EMILIN1: variants seen among roughly 807,000 people sequenced by gnomAD.
EMILIN1 encodes the protein EMILIN-1.
EMILIN1 carries 49 observed loss-of-function variants against 82.4 expected under a neutral mutation model. That is an observed-to-expected ratio of 0.59 (90% confidence interval 0.47 to 0.75). The LOEUF (loss-of-function observed/expected upper bound fraction) is 0.75, where lower values mean the gene tolerates loss of function less well. Among genes scored for constraint, EMILIN1 ranks in the 30% least tolerant of loss-of-function variants. EMILIN1 has a pLI of 0.00. For missense variants in EMILIN1, 1,313 were observed against 1,366.4 expected (o/e 0.96, Z 0.62); for synonymous variants, 604 against 602.2 (o/e 1.00, Z -0.04).
In EMILIN1 at chr2:27,083,510, C is replaced by A; in HGVS notation, c.1939C>A (p.Leu647Ile). 6.2e-7 allele frequency: 1 copy of A among 1,613,930 alleles called. No individual in the cohort carries two copies. The highest frequency in any genetic ancestry group is 8.5e-7 in the Non-Finnish European group (1 of 1,179,946). The change falls in exon 4 of 8, where the codon CTC (leucine) becomes ATC (isoleucine). Residue 647 changes from leucine (L) to isoleucine (I), a missense_variant. Transcript: ENST00000380320. ...GSALQALQGE[L>I]SEVILSFSSL... is the part of the protein sequence containing the mutation. ...AGCCCTGCAGGCCCTGCAAGGAGAG[C>A]TCTCTGAGGTTATTCTCAGCTTCAG...
rs1341440346 is a variant in EMILIN1 at position 27,082,151 on chromosome 2, G to A, written c.580G>A (p.Gly194Ser). 1 of 1,613,804 alleles carries A rather than the reference G, an allele frequency of 6.2e-7. No homozygotes were observed. The highest frequency in any genetic ancestry group is 8.5e-7 in the Non-Finnish European group (1 of 1,180,024). ...QVQSLTKELQGLRGVLQGLSG... is the reference protein window; with the variant it reads ...QVQSLTKELQSLRGVLQGLSG... ...GCAGAGCCTGACCAAGGAGCTGCAA[G>A]GCCTGCGGGGCGTCCTGCAAGGACT... Residue 194 changes from glycine to serine, a missense_variant, in exon 4 of 8, where the codon GGC (glycine) becomes AGC (serine). Gly to Ser is a moderately conservative substitution (Grantham distance 56). Transcript: ENST00000380320.
intron 1 of EMILIN1, among the ~76,000 whole-genome samples, 154 bp downstream of exon 1, chr2:27,079,389 G>T (rs369953673): frequency 1.3e-5 from 2 of 152,126 alleles, no homozygotes; most frequent in African/African-American, 4.8e-5. Context: ...ACCTTCCCAC[G>T]GGGCCTTTTC....
Position 27,083,627 on chromosome 2 carries a change from A to G in EMILIN1, c.2056A>G (p.Ile686Val). ...CCTGGGGGCAACCAAGGACCGTATC[A>G]TTTCTGAGATTAACAGGCTGCAGCA... ...ADLGATKDRI[I>V]SEINRLQQEA... Residue 686 changes from isoleucine (I) to valine (V), a missense_variant, in exon 4 of 8, where the codon ATT (isoleucine) becomes GTT (valine). Ile to Val is a conservative substitution (Grantham distance 29). Coordinates refer to ENST00000380320, the MANE Select transcript of EMILIN1 (RefSeq NM_007046.4). 1.2e-6 allele frequency: 2 copies of G among 1,612,598 alleles called. No homozygotes were observed. The highest frequency in any genetic ancestry group is 1.3e-5 in the African/African-American group (1 of 75,050).
chr2:27,080,751 C>T lies in EMILIN1; in HGVS notation c.310C>T (p.Pro104Ser), dbSNP rs993827068. Residue 104 changes from proline to serine, a missense_variant, in exon 3 of 8, where the codon CCT (proline) becomes TCT (serine). Transcript: ENST00000380320. ...TGCCAGGTACCGCCGCTTCCTCCGC[C>T]CTCGCTACCGTGTGGCCTACAAGAC... is the stretch of plus-strand genomic sequence containing the variant. The part of the protein sequence containing the change: ...QSIMYRRFLR[P>S]RYRVAYKTVT... 1 of 1,613,332 alleles carries T rather than the reference C, an allele frequency of 6.2e-7. No homozygotes were observed. The highest frequency in any genetic ancestry group is 1.3e-5 in the African/African-American group (1 of 74,940).
In EMILIN1 at chr2:27,079,085, G is replaced by A; in HGVS notation, c.20G>A (p.Trp7Ter). 6.2e-7 allele frequency: 1 copy of A among 1,603,770 alleles called. No individual in the cohort carries two copies. Among genetic ancestry groups the A allele is most frequent in the Non-Finnish European group, 8.5e-7 (1 of 1,175,954 alleles). Reference protein sequence around the residue: MAPRTLWSCYLCCLLTA... With the variant: MAPRTL ...CCCGCCATGGCCCCCCGCACCCTCT[G>A]GAGCTGCTACCTCTGCTGCCTGCTG... The change falls in exon 1 of 8, where the codon TGG (tryptophan) becomes TAG (stop). Residue 7 changes from tryptophan to a stop codon, truncating the protein, a stop_gained. Coordinates refer to ENST00000380320, the MANE Select transcript of EMILIN1 (RefSeq NM_007046.4). LOFTEE classifies it high-confidence loss of function.
intron 4 of EMILIN1, 64 bp downstream of exon 4, chr2:27,084,075 A>G (rs751390349): frequency 4.2e-6 from 6 of 1,413,286 alleles, no homozygotes; most frequent in Non-Finnish European, 5.6e-6. Flanking sequence ...TCCCTCCCCC[A>G]GCCCAGCTTC....
At position 27,085,837 on chromosome 2, in the gene EMILIN1, T is replaced by C. The variant is rs1669613567; in HGVS notation, c.2873T>C (p.Val958Ala). The C allele has an allele frequency of 2.5e-6, 4 of 1,610,814 alleles. No homozygotes were observed. Among genetic ancestry groups the C allele is most frequent in the Non-Finnish European group, 3.4e-6 (4 of 1,178,918 alleles). Reference protein sequence around the residue: ...YEPEGLENKPVAESQPSPGTL... With the variant: ...YEPEGLENKPAAESQPSPGTL... ...CCTGAGGGCCTGGAGAATAAGCCGG[T>C]GGCCGAGAGCCAGCCCAGCCCGGGC... Residue 958 changes from valine (V) to alanine (A), a missense_variant, in exon 8 of 8, where the codon GTG becomes GCG. Transcript: ENST00000380320.
chr2:27,083,147 G>A lies in EMILIN1; in HGVS notation c.1576G>A (p.Glu526Lys). The change falls in exon 4 of 8, where the codon GAG (glutamate) becomes AAG (lysine). Residue 526 changes from glutamate (E) to lysine (K), a missense_variant. Physicochemically the swap from Glu to Lys is moderately conservative, Grantham distance 56 (BLOSUM62 1). Coordinates refer to ENST00000380320, the MANE Select transcript of EMILIN1 (RefSeq NM_007046.4). ...SGLHTVEAAG[E>K]ARQATLEGLQ... ...CCTGCACACGGTGGAAGCAGCGGGGGAGGCCCGGCAGGCCACGCTGGAGGG... is the reference window on the plus strand; with the variant it reads ...CCTGCACACGGTGGAAGCAGCGGGGAAGGCCCGGCAGGCCACGCTGGAGGG... 1 of 1,597,698 alleles carries A rather than the reference G, an allele frequency of 6.3e-7. No individual in the cohort carries two copies. The highest frequency in any genetic ancestry group is 8.5e-7 in the Non-Finnish European group (1 of 1,170,896).
At chr2:27,080,981 C>T (rs1411808710) in intron 3 of EMILIN1, 29 bp downstream of exon 3, 3 of 1,490,274 alleles carry the variant, frequency 2.0e-6, no homozygotes, top group Non-Finnish European at 2.7e-6. Flanking sequence ...GCGAGGGTGG[C>T]AAGTTCCAAA....
Position 27,080,957 on chromosome 2 carries a change from G to A in EMILIN1, c.511+5G>A. 2 of 1,569,030 alleles carry A rather than the reference G, an allele frequency of 1.3e-6. No homozygotes were observed. The highest frequency in any genetic ancestry group is 1.2e-5 in the South Asian group (1 of 86,922). ...TCAGTGGACTGGGGGGAGAAGGTGA[G>A]TGTGGGAGCTGCTGCGAGGGTGGCA... On this transcript the variant is annotated splice_donor_5th_base_variant and intron_variant, in intron 3 of 7. Transcript: ENST00000380320.
rs1669518570 is a variant in EMILIN1 at position 27,083,291 on chromosome 2, C to G, written c.1720C>G (p.Leu574Val). 6.2e-7 allele frequency: 1 copy of G among 1,613,158 alleles called. No individual in the cohort carries two copies. The highest frequency in any genetic ancestry group is 2.2e-5 in the East Asian group (1 of 44,866). The change falls in exon 4 of 8, where the codon CTG (leucine) becomes GTG (valine). Residue 574 changes from leucine (L) to valine (V), a missense_variant. Coordinates refer to ENST00000380320, the MANE Select transcript of EMILIN1 (RefSeq NM_007046.4). ...CCGGCTAGGCCAACTGGAGGGGCTG[C>G]TGCAGGCCCATGGGGATGAGGGCTG... Reference protein sequence around the residue: ...AARLGQLEGLLQAHGDEGCGA... With the variant: ...AARLGQLEGLVQAHGDEGCGA...
chr2:27,080,410 CT>C, intron 2 of EMILIN1, 140 bp downstream of exon 2: 1 of 1,196,932 alleles, frequency 8.4e-7, no homozygotes. Context: ...TGAGGAGATA[CT>C]GAGACAACAG....
At position 27,083,301 on chromosome 2, in the gene EMILIN1, A is replaced by G. The variant is rs1413860400; in HGVS notation, c.1730A>G (p.His577Arg). The G allele has an allele frequency of 4.3e-6, 7 of 1,613,142 alleles. No individual in the cohort carries two copies. The South Asian group carries it at 6.6e-5, about 15-fold the overall frequency. The change falls in exon 4 of 8, where the codon CAT (histidine) becomes CGT (arginine). Residue 577 changes from histidine (H) to arginine (R), a missense_variant. Transcript: ENST00000380320. ...LGQLEGLLQA[H>R]GDEGCGACGG... ...CAACTGGAGGGGCTGCTGCAGGCCC[A>G]TGGGGATGAGGGCTGTGGGGCCTGT...
Position 27,083,661 on chromosome 2 carries a change from C to T in EMILIN1, c.2090C>T (p.Thr697Ile), listed in dbSNP as rs747589880. The change falls in exon 4 of 8, where the codon ACA (threonine) becomes ATA (isoleucine). Residue 697 changes from threonine to isoleucine, a missense_variant. Thr to Ile is a moderately conservative substitution (Grantham distance 89, BLOSUM62 -1). Coordinates refer to ENST00000380320, the MANE Select transcript of EMILIN1 (RefSeq NM_007046.4). ...ATTAACAGGCTGCAGCAGGAGGCCACAGAGCATGCTACAGAGAGTGAAGAG... is the reference window on the plus strand; with the variant it reads ...ATTAACAGGCTGCAGCAGGAGGCCATAGAGCATGCTACAGAGAGTGAAGAG... ...SEINRLQQEATEHATESEERF... is the reference protein window; with the variant it reads ...SEINRLQQEAIEHATESEERF... The T allele has an allele frequency of 3.1e-6, 5 of 1,612,766 alleles. No homozygotes were observed. The highest frequency in any genetic ancestry group is 1.7e-5 in the Admixed American group (1 of 59,950).
At position 27,082,263 on chromosome 2, in the gene EMILIN1, C is replaced by T. The variant is rs774094779; in HGVS notation, c.692C>T (p.Pro231Leu). 1.9e-6 allele frequency: 3 copies of T among 1,613,244 alleles called. No homozygotes were observed. The Admixed American group carries it at 5.0e-5, about 27-fold the overall frequency. ...RQQPADAAAR[P>L]GVHETLNEIQ... ...CAGCCAGCTGACGCGGCTGCCCGCC[C>T]TGGGGTGCATGAAACCCTCAATGAG... Residue 231 changes from proline to leucine, a missense_variant, in exon 4 of 8, where the codon CCT (proline) becomes CTT (leucine). Coordinates refer to ENST00000380320, the MANE Select transcript of EMILIN1 (RefSeq NM_007046.4).
Position 27,083,779 on chromosome 2 carries a change from G to T in EMILIN1, c.2208G>T (p.Arg736=). Reference sequence around the variant, plus strand: ...GCCGTCTTGAGGGTGTCTGTGAACGGTTGGACACTGTGGCTGGGGGACTGC... The same window carrying T: ...GCCGTCTTGAGGGTGTCTGTGAACGTTTGGACACTGTGGCTGGGGGACTGC... The part of the protein sequence containing the change: ...RLGRLEGVCE[R]LDTVAGGLQG... The change falls in exon 4 of 8, where the codon CGG becomes CGT. Residue 736 remains arginine (R), a synonymous_variant. Transcript: ENST00000380320. The T allele has an allele frequency of 6.2e-7, 1 of 1,607,430 alleles. No homozygotes were observed. The highest frequency in any genetic ancestry group is 8.5e-7 in the Non-Finnish European group (1 of 1,174,530).
chr2:27,082,701 CAG>C lies in EMILIN1; in HGVS notation c.1131_1132del (p.Val378AlafsTer130). 6.4e-7 allele frequency: 1 copy of C among 1,553,366 alleles called. No individual in the cohort carries two copies. The highest frequency in any genetic ancestry group is 8.7e-7 in the Non-Finnish European group (1 of 1,153,396). On this transcript the variant is annotated frameshift_variant, in exon 4 of 8. Transcript: ENST00000380320. LOFTEE classifies it high-confidence loss of function. ...CTGGATGTCGTGGCCGGCTCAGTGACAGTGCTGAGTGGGCGGCGAGGCACAGA... is the reference window on the plus strand; with the variant it reads ...CTGGATGTCGTGGCCGGCTCAGTGACTGCTGAGTGGGCGGCGAGGCACAGA...
chr2:27,084,908 A>G, intron 5 of EMILIN1, 83 bp from the exon 6 acceptor site: 1 of 1,346,148 alleles, frequency 7.4e-7, no homozygotes, highest in South Asian at 1.2e-5. Context: ...ACCGAGCACA[A>G]CAGGAGAGCC....
Position 27,082,717 on chromosome 2 carries a change from G to T in EMILIN1, c.1146G>T (p.Arg382=), listed in dbSNP as rs377395869. Residue 382 remains arginine (R), a synonymous_variant, in exon 4 of 8, where the codon CGG becomes CGT. Coordinates refer to ENST00000380320, the MANE Select transcript of EMILIN1 (RefSeq NM_007046.4). Reference sequence around the variant, plus strand: ...GCTCAGTGACAGTGCTGAGTGGGCGGCGAGGCACAGAGCTGGGAGGAGCCG... The same window carrying T: ...GCTCAGTGACAGTGCTGAGTGGGCGTCGAGGCACAGAGCTGGGAGGAGCCG... ...VAGSVTVLSG[R]RGTELGGAAG... 2.5e-5 allele frequency: 39 copies of T among 1,550,548 alleles called. No individual in the cohort carries two copies. The Middle Eastern group carries it at 1.1e-3, about 45-fold the overall frequency.
Sources: gnomAD v4.1 joint callset for allele counts (sites outside exome capture counted in the v4.1 genomes callset) on GRCh38, gnomAD v4.1.1 for gene constraint, MANE v1.5 for transcripts, NCBI Gene and HGNC (gene_info 2026-07-23, HGNC 2026-07-21) for gene names.